The following CLCN3 variants were observed in gnomAD, a reference collection of about 807,000 sequenced individuals.
The protein encoded by CLCN3 is H(+)/Cl(-) exchange transporter 3.
CLCN3 carries 16 observed loss-of-function variants against 83.4 expected under a neutral mutation model. That is an observed-to-expected ratio of 0.19 (90% CI 0.13 to 0.29). CLCN3 has a LOEUF of 0.29. Among genes scored for constraint, CLCN3 ranks in the 10% least tolerant of loss-of-function variants. The pLI is 1.00. For missense variants in CLCN3, 544 were observed against 1,006.0 expected, an observed-to-expected ratio of 0.54 and a Z score of 6.21; for synonymous variants, 322 against 346.2, an observed-to-expected ratio of 0.93 and a Z score of 0.78.
chr4:169,658,670 G>A (rs549770845), intron 2 of CLCN3, among the ~76,000 whole-genome samples: 1 of 151,980 alleles, frequency 6.6e-6, no homozygotes, highest in East Asian at 1.9e-4. Flanking sequence ...TCAGTGTGCA[G>A]GAAGGAGCAT....
intron 9 of CLCN3, among the ~76,000 whole-genome samples, chr4:169,703,742 T>C (rs1732886139): frequency 6.6e-6 from 1 of 151,904 alleles, no homozygotes; most frequent in Non-Finnish European, 1.5e-5. Context: ...AGGGCACCCT[T>C]GAGCTACCTT....
At chr4:169,713,369 T>C in intron 12 of CLCN3, 74 bp downstream of exon 12, 2 of 1,199,638 alleles carry the variant, frequency 1.7e-6, no homozygotes, top group South Asian at 2.5e-5. Context: ...TATATAGTTA[T>C]TAGGGGAGCA....
At position 169,695,683 on chromosome 4, in the gene CLCN3, C is replaced by T; in HGVS notation, c.1008C>T (p.Ser336=). 6.2e-7 allele frequency: 1 copy of T among 1,609,384 alleles called. No individual in the cohort carries two copies. Among genetic ancestry groups the T allele is most frequent in the Non-Finnish European group, 8.5e-7 (1 of 1,176,412 alleles). The part of the protein sequence containing the change: ...FGAPIGGVLF[S]LEEVSYYFPL... ...CACCAATTGGAGGAGTTCTTTTTAG[C>T]CTGGAAGAGGTAGGTGAAAAGAATA... Residue 336 remains serine, a synonymous_variant, in exon 8 of 13, where the codon AGC becomes AGT. Coordinates refer to ENST00000513761, the MANE Select transcript of CLCN3 (RefSeq NM_001829.4).
chr4:169,693,645 C>A (rs1732454125), intron 7 of CLCN3, among the ~76,000 whole-genome samples: 1 of 152,206 alleles, frequency 6.6e-6, no homozygotes, highest in Non-Finnish European at 1.5e-5. Flanking sequence ...CAAAACCATC[C>A]TGTAGCGTAG....
At chr4:169,624,628 T>C (rs193121692) in intron 1 of CLCN3, among the ~76,000 whole-genome samples, 2 of 152,286 alleles carry the variant, frequency 1.3e-5, no homozygotes, top group East Asian at 1.9e-4. Context: ...AAATGTATAA[T>C]GTAATTTATG....
At chr4:169,663,510 A>ATT (rs35801757) in intron 2 of CLCN3, 1,447 of 244,838 alleles carry the variant, frequency 5.9e-3, no homozygotes, top group South Asian at 0.013. Context: ...AAAAAACAAA[A>ATT]TTTTTTTTTT....
At chr4:169,669,030 A>G (rs1314786325) in intron 2 of CLCN3, among the ~76,000 whole-genome samples, 2 of 152,158 alleles carry the variant, frequency 1.3e-5, no homozygotes, top group African/African-American at 2.4e-5. Context: ...AAGTTTCCTT[A>G]AAATAATTGG....
chr4:169,627,924 G>A (rs1046132274), intron 1 of CLCN3, among the ~76,000 whole-genome samples: 1 of 152,170 alleles, frequency 6.6e-6, no homozygotes, highest in African/African-American at 2.4e-5. Context: ...CAGTAATCAA[G>A]ACTGTGTGGT....
intron 2 of CLCN3, among the ~76,000 whole-genome samples, chr4:169,678,615 T>C (rs1309692524): frequency 6.6e-6 from 1 of 152,146 alleles, no homozygotes. Flanking sequence ...GGAGTGGTGA[T>C]GACTCTTAAT....
At chr4:169,651,194 A>C (rs920435257) in intron 2 of CLCN3, among the ~76,000 whole-genome samples, 1 of 152,170 alleles carries the variant, frequency 6.6e-6, no homozygotes, top group African/African-American at 2.4e-5. Flanking sequence ...TCTTAAAAAA[A>C]TTTCAAAGAA....
intron 2 of CLCN3, among the ~76,000 whole-genome samples, chr4:169,677,087 T>C (rs926626852): frequency 6.6e-6 from 1 of 152,042 alleles, no homozygotes; most frequent in African/African-American, 2.4e-5. Context: ...CAAAGAATAT[T>C]GGAACCTTGG....
At chr4:169,626,241 A>AG (rs1213628746) in intron 1 of CLCN3, among the ~76,000 whole-genome samples, 2 of 152,234 alleles carry the variant, frequency 1.3e-5, no homozygotes, top group Non-Finnish European at 2.9e-5. Context: ...ACAGATGCAT[A>AG]GGGGGAGATA....
intron 2 of CLCN3, chr4:169,660,229 C>A: frequency 8.3e-7 from 1 of 1,210,448 alleles, no homozygotes; most frequent in Non-Finnish European, 1.0e-6. Context: ...GTTGCTTCAG[C>A]GAGTCGAACT....
At position 169,697,622 on chromosome 4, in the gene CLCN3, T is replaced by A; in HGVS notation, c.1451T>A (p.Val484Asp). The A allele has an allele frequency of 6.2e-7, 1 of 1,614,136 alleles. No individual in the cohort carries two copies. The highest frequency in any genetic ancestry group is 8.5e-7 in the Non-Finnish European group (1 of 1,179,986). The stretch of plus-strand genomic sequence containing the variant: ...AATGACATGAATGCCAGTAAAATTG[T>A]CGATGACATTCCTGATCGTCCAGCA... ...YRNDMNASKI[V>D]DDIPDRPAGI... is the part of the protein sequence containing the mutation. Residue 484 changes from valine to aspartate, a missense_variant, in exon 9 of 13, where the codon GTC becomes GAC. By Grantham distance (152) the Val-to-Asp change is radical. Around this residue, in one of 6 missense-constraint regions of CLCN3, gnomAD observed 194 missense variants for 341.4 expected, o/e 0.57. Coordinates refer to ENST00000513761, the MANE Select transcript of CLCN3 (RefSeq NM_001829.4).
rs192712870 is a variant in CLCN3, at chr4:169,700,791, T to C, written c.1563+3057T>C. On this transcript the variant is annotated intron_variant, in intron 9 of 12. Coordinates refer to ENST00000513761, the MANE Select transcript of CLCN3 (RefSeq NM_001829.4). Reference sequence around the variant, plus strand: ...GTGCATATAAAAGTTCTGTTTACACTATGCTGTAGTCTTATGTGTACAATA... The same window carrying C: ...GTGCATATAAAAGTTCTGTTTACACCATGCTGTAGTCTTATGTGTACAATA... 2.4e-4 allele frequency among the ~76,000 whole-genome samples: 37 copies of C among 152,334 alleles called. 1 individual carries two copies. The East Asian group carries it at 6.7e-3, about 28-fold the overall frequency.
chr4:169,641,549 C>T (rs867648478), intron 2 of CLCN3, among the ~76,000 whole-genome samples: 1 of 152,170 alleles, frequency 6.6e-6, no homozygotes, highest in South Asian at 2.1e-4. Context: ...CCAGTATTTT[C>T]ATTCAAATAT....
Position 169,695,212 on chromosome 4 carries a change from G to A in CLCN3, c.937-400G>A, listed in dbSNP as rs1403735951. On this transcript the variant is annotated intron_variant, in intron 7 of 12. Transcript: ENST00000513761. ...CTACGATTTGGAATAGAGTATTTAT[G>A]GTGGAGCAGTTAGCTCTAAAATTTG... Among the ~76,000 whole-genome samples, 6 of 152,252 alleles carry A rather than the reference G, an allele frequency of 3.9e-5. No individual in the cohort carries two copies. The South Asian group carries it at 1.0e-3, about 26-fold the overall frequency.
chr4:169,639,828 A>C (rs932994551), intron 2 of CLCN3, among the ~76,000 whole-genome samples: 1 of 152,300 alleles, frequency 6.6e-6, no homozygotes, highest in Middle Eastern at 3.4e-3. Context: ...AAAAATAACT[A>C]TTACCAGAAG....
intron 2 of CLCN3, among the ~76,000 whole-genome samples, chr4:169,652,427 G>T (rs1193358049): frequency 1.3e-5 from 2 of 152,184 alleles, no homozygotes; most frequent in African/African-American, 4.8e-5. Flanking sequence ...ACACAATGTG[G>T]CTTTCAAGAA....
Sources: gnomAD v4.1 joint callset for allele counts (sites outside exome capture counted in the v4.1 genomes callset) on GRCh38, gnomAD v4.1.1 for gene constraint, gnomAD v4.1.1 regional missense constraint, MANE v1.5 for transcripts, NCBI Gene and HGNC (gene_info 2026-07-23, HGNC 2026-07-21) for gene names.